The following KCMF1 variants were observed in gnomAD, a reference collection of about 807,000 sequenced individuals.
The protein encoded by KCMF1 is E3 ubiquitin-protein ligase KCMF1.
KCMF1 carries 3 observed loss-of-function variants against 41.1 expected under a neutral mutation model. The observed-to-expected ratio is 0.07, with a 90% CI of 0.03 to 0.19. KCMF1 has a LOEUF of 0.19. Ranked by LOEUF, KCMF1 falls within the 10% of genes least tolerant of loss-of-function variation. The pLI, the probability that KCMF1 is intolerant of heterozygous loss-of-function variation, is 1.00. For synonymous variants in KCMF1, 142 were observed against 164.5 expected (o/e 0.86, Z 1.04); for missense variants, 286 against 488.9 (o/e 0.58, Z 3.91).
At chr2:85,003,276 A>T (rs1674377382) in intron 1 of KCMF1, among the ~76,000 whole-genome samples, 1 of 152,122 alleles carries the variant, frequency 6.6e-6, no homozygotes, top group Non-Finnish European at 1.5e-5. Context: ...GATTGAGACC[A>T]TTCTGGCTAA....
At chr2:85,017,090 T>C (rs1394262688) in intron 1 of KCMF1, among the ~76,000 whole-genome samples, 1 of 139,936 alleles carries the variant, frequency 7.1e-6, no homozygotes, top group African/African-American at 2.6e-5. Context: ...AGTGGCGCAA[T>C]CTCGGCTCAC....
At chr2:85,041,631 G>A (rs1188653795) in intron 3 of KCMF1, among the ~76,000 whole-genome samples, 1 of 152,114 alleles carries the variant, frequency 6.6e-6, no homozygotes, top group African/African-American at 2.4e-5. Context: ...ATCTTATACA[G>A]CCTTATAATA....
chr2:85,012,659 C>CA (rs1420406984), intron 1 of KCMF1, among the ~76,000 whole-genome samples: 4 of 152,214 alleles, frequency 2.6e-5, no homozygotes, highest in African/African-American at 4.8e-5. Flanking sequence ...AAATCAGACT[C>CA]ACATGCCTCC....
intron 1 of KCMF1, among the ~76,000 whole-genome samples, chr2:85,002,880 A>G (rs1574017235): frequency 6.6e-6 from 1 of 152,158 alleles, no homozygotes; most frequent in East Asian, 1.9e-4. Context: ...TATACTAACT[A>G]TATAACTATA....
At chr2:84,971,701 C>G (rs922160019) in intron 1 of KCMF1, among the ~76,000 whole-genome samples, 25 of 146,388 alleles carry the variant, frequency 1.7e-4, no homozygotes, top group Non-Finnish European at 3.0e-4. Context: ...CCCGGGCGGC[C>G]GGAGGGTTTG....
intron 1 of KCMF1, among the ~76,000 whole-genome samples, chr2:84,983,152 A>G (rs1673808397): frequency 6.6e-6 from 1 of 152,232 alleles, no homozygotes; most frequent in Admixed American, 6.5e-5. Flanking sequence ...TTGCTATCCA[A>G]TAGAAATCTA....
chr2:85,008,857 C>T (rs571582090), intron 1 of KCMF1, among the ~76,000 whole-genome samples: 20 of 151,676 alleles, frequency 1.3e-4, no homozygotes, highest in Middle Eastern at 3.4e-3. Context: ...CTCTGCCTCC[C>T]GGGCTCAGGC....
chr2:85,031,368 A>G (rs149728370), intron 2 of KCMF1, among the ~76,000 whole-genome samples: 1 of 152,336 alleles, frequency 6.6e-6, no homozygotes, highest in Non-Finnish European at 1.5e-5. Context: ...TTTATTCCTA[A>G]GAATAGATGG....
chr2:84,986,831 G>A (rs944635446), intron 1 of KCMF1, among the ~76,000 whole-genome samples: 2 of 152,242 alleles, frequency 1.3e-5, no homozygotes, highest in Middle Eastern at 3.4e-3. Context: ...GCAGTGAGCC[G>A]AGATCACGCC....
intron 4 of KCMF1, among the ~76,000 whole-genome samples, chr2:85,044,745 C>A (rs897619421): frequency 1.3e-5 from 2 of 152,150 alleles, no homozygotes; most frequent in African/African-American, 4.8e-5. Context: ...TCTCGAACTC[C>A]TGACCTCAGG....
intron 1 of KCMF1, among the ~76,000 whole-genome samples, chr2:85,014,839 GT>G (rs1199929650): frequency 6.6e-6 from 1 of 151,214 alleles, no homozygotes; most frequent in Non-Finnish European, 1.5e-5. Context: ...CTCCCAAAGT[GT>G]TTCCCTCAGC....
chr2:84,985,708 A>T (rs1405784960), intron 1 of KCMF1, among the ~76,000 whole-genome samples: 2 of 152,182 alleles, frequency 1.3e-5, no homozygotes. Context: ...AAGTGCCTGT[A>T]ATCCCAGCTA....
chr2:85,006,876 AG>A (rs1414156344), intron 1 of KCMF1, among the ~76,000 whole-genome samples: 1 of 151,798 alleles, frequency 6.6e-6, no homozygotes, highest in African/African-American at 2.4e-5. Context: ...ACGGAGGCCA[AG>A]GCAGGTGGAT....
intron 1 of KCMF1, among the ~76,000 whole-genome samples, chr2:85,013,401 A>G (rs555624487): frequency 6.6e-6 from 1 of 152,324 alleles, no homozygotes; most frequent in South Asian, 2.1e-4. Context: ...AACATTAAAA[A>G]AACATTTAGC....
At chr2:84,997,066 G>C (rs958961879) in intron 1 of KCMF1, among the ~76,000 whole-genome samples, 1 of 152,168 alleles carries the variant, frequency 6.6e-6, no homozygotes, top group East Asian at 1.9e-4. Context: ...CAATAAAAAT[G>C]TATGATCTTA....
At chr2:85,023,948 T>C (rs1376679427) in intron 1 of KCMF1, among the ~76,000 whole-genome samples, 4 of 152,216 alleles carry the variant, frequency 2.6e-5, no homozygotes, top group African/African-American at 9.6e-5. Flanking sequence ...ATGCACTTCT[T>C]TGATGACTAA....
intron 3 of KCMF1, among the ~76,000 whole-genome samples, chr2:85,038,153 CA>C (rs1172018851): frequency 2.0e-5 from 3 of 152,152 alleles, no homozygotes; most frequent in Non-Finnish European, 4.4e-5. Flanking sequence ...AATCTAACTT[CA>C]GCACTATGAT....
intron 1 of KCMF1, among the ~76,000 whole-genome samples, chr2:85,015,683 A>G (rs1674752823): frequency 1.3e-5 from 2 of 152,178 alleles, no homozygotes; most frequent in South Asian, 4.1e-4. Flanking sequence ...ACAATATTTC[A>G]CCCATTTTTC....
At chr2:84,978,518 C>CT (rs1183926429) in intron 1 of KCMF1, among the ~76,000 whole-genome samples, 1 of 143,298 alleles carries the variant, frequency 7.0e-6, no homozygotes, top group Non-Finnish European at 1.5e-5. Flanking sequence ...TTTTTTTATA[C>CT]TTTAAGTTTT....
Sources: allele counts gnomAD v4.1 joint callset (sites outside exome capture counted in the v4.1 genomes callset), GRCh38; gene constraint gnomAD v4.1.1; transcripts MANE v1.5; gene names NCBI Gene and HGNC (gene_info 2026-07-23, HGNC 2026-07-21).